Variants in YPEL2 observed in about 807,000 individuals in gnomAD.
YPEL2 encodes protein yippee-like 2.
A neutral mutation model predicts 19.1 loss-of-function variants in YPEL2; 2 were observed. That is an observed-to-expected ratio of 0.10 (90% CI 0.04 to 0.33). The LOEUF (loss-of-function observed/expected upper bound fraction) is 0.33, where lower values mean the gene tolerates loss of function less well. Ranked by LOEUF, YPEL2 falls within the 10% of genes least tolerant of loss-of-function variation. The pLI, the probability that YPEL2 is intolerant of heterozygous loss-of-function variation, is 1.00. For synonymous variants in YPEL2, 52 were observed against 50.0 expected, an observed-to-expected ratio of 1.04 and a Z score of -0.17; for missense variants, 66 against 140.7, an observed-to-expected ratio of 0.47 and a Z score of 2.68.
chr17:59,360,253 C>CT (rs889362924), intron 2 of YPEL2, among the ~76,000 whole-genome samples: 1 of 152,028 alleles, frequency 6.6e-6, no homozygotes, highest in African/African-American at 2.4e-5. Flanking sequence ...ATTTTTTGTA[C>CT]TTTTTTAGTA....
intron 2 of YPEL2, among the ~76,000 whole-genome samples, chr17:59,382,494 G>A (rs535986354): frequency 1.3e-5 from 2 of 152,312 alleles, no homozygotes; most frequent in South Asian, 4.1e-4. Flanking sequence ...CTTTTAAAAT[G>A]ACATACCCCT....
At chr17:59,362,266 T>G (rs2047844871) in intron 2 of YPEL2, among the ~76,000 whole-genome samples, 1 of 125,754 alleles carries the variant, frequency 8.0e-6, no homozygotes, top group Non-Finnish European at 1.6e-5. Flanking sequence ...CATTCTATGG[T>G]TTTTTTTTTT....
At chr17:59,337,723 A>T (rs559053884) in intron 1 of YPEL2, among the ~76,000 whole-genome samples, 1 of 152,200 alleles carries the variant, frequency 6.6e-6, no homozygotes, top group South Asian at 2.1e-4. Flanking sequence ...TTAACCTTGT[A>T]ATTTTTGTTT....
intron 1 of YPEL2, among the ~76,000 whole-genome samples, chr17:59,332,146 G>A (rs1009455397): frequency 2.6e-5 from 4 of 152,080 alleles, no homozygotes; most frequent in African/African-American, 9.7e-5. Context: ...CCAGGTTTGG[G>A]GCGGGGGTGC....
intron 4 of YPEL2, among the ~76,000 whole-genome samples, chr17:59,390,343 T>A (rs1374135382): frequency 6.6e-6 from 1 of 150,732 alleles, no homozygotes; most frequent in East Asian, 1.9e-4. Context: ...GGTCTCACTG[T>A]GTTGCTCAGG....
At chr17:59,380,595 G>A (rs981744884) in intron 2 of YPEL2, among the ~76,000 whole-genome samples, 4 of 152,200 alleles carry the variant, frequency 2.6e-5, no homozygotes, top group Admixed American at 6.5e-5. Flanking sequence ...CACAAATCAG[G>A]TGTGAGTGAG....
chr17:59,334,200 CTG>C (rs999512973), intron 1 of YPEL2, among the ~76,000 whole-genome samples: 16 of 152,088 alleles, frequency 1.1e-4, no homozygotes, highest in African/African-American at 3.9e-4. Context: ...GCGTGAGTTG[CTG>C]TGCTGTTCAT....
In YPEL2 at chr17:59,353,274, G is replaced by C; in HGVS notation, c.-136G>C. ...GGTTCTTCTGCCGAAGACATCACCA[G>C]TGTGTGGAGCCTGCCACACCCACCC... On this transcript the variant is annotated 5_prime_UTR_variant, in exon 2 of 5. Transcript: ENST00000312655. This position sits in a 1 kb window ranked among gnomAD's most constrained non-coding sequence, Gnocchi z 4.8. The C allele has an allele frequency of 1.6e-6, 1 of 635,418 alleles. No homozygotes were observed. The highest frequency in any genetic ancestry group is 1.9e-5 in the South Asian group (1 of 53,706). The allele number at this position is 635,418 out of a possible 1,614,324, so 39.4% of individuals were successfully genotyped here.
At chr17:59,387,776 T>C (rs1295068515) in intron 2 of YPEL2, among the ~76,000 whole-genome samples, 1 of 152,224 alleles carries the variant, frequency 6.6e-6, no homozygotes, top group Non-Finnish European at 1.5e-5. Context: ...CCATTTAGGA[T>C]TGTAAACTGT....
At chr17:59,382,950 G>GT (rs1373728063) in intron 2 of YPEL2, among the ~76,000 whole-genome samples, 1 of 152,054 alleles carries the variant, frequency 6.6e-6, no homozygotes, top group Non-Finnish European at 1.5e-5. Context: ...GCACTGAAAA[G>GT]TGTTCTTACA....
At chr17:59,371,616 C>T (rs1297050887) in intron 2 of YPEL2, among the ~76,000 whole-genome samples, 2 of 152,124 alleles carry the variant, frequency 1.3e-5, no homozygotes, top group East Asian at 3.9e-4. Context: ...AGAGATGTTT[C>T]ATTCCTTGGG....
At chr17:59,344,908 C>G (rs1041233074) in intron 1 of YPEL2, among the ~76,000 whole-genome samples, 1 of 152,198 alleles carries the variant, frequency 6.6e-6, no homozygotes, top group African/African-American at 2.4e-5. Flanking sequence ...GGTCCCCAAC[C>G]TTTTGGCACC....
chr17:59,336,768 G>C (rs762592540), intron 1 of YPEL2, among the ~76,000 whole-genome samples: 34 of 152,140 alleles, frequency 2.2e-4, no homozygotes, highest in Non-Finnish European at 2.8e-4. Flanking sequence ...GTGTGTGGTG[G>C]GGTCAGAGGA....
At chr17:59,393,168 C>T (rs1352469381) in intron 4 of YPEL2, among the ~76,000 whole-genome samples, 1 of 152,152 alleles carries the variant, frequency 6.6e-6, no homozygotes, top group Non-Finnish European at 1.5e-5. Context: ...TTGAGACAGG[C>T]CCCTGGCTGG....
chr17:59,377,334 C>A, intron 2 of YPEL2, among the ~76,000 whole-genome samples: 1 of 152,330 alleles, frequency 6.6e-6, no homozygotes. Context: ...AATATTTCAG[C>A]CCTCCTAAAG....
At chr17:59,373,818 G>T (rs963450662) in intron 2 of YPEL2, among the ~76,000 whole-genome samples, 1 of 152,168 alleles carries the variant, frequency 6.6e-6, no homozygotes, top group Admixed American at 6.5e-5. Context: ...AGGCACTTGC[G>T]TTGGCCAAGA....
At chr17:59,352,338 CTG>C (rs1299839315) in intron 1 of YPEL2, among the ~76,000 whole-genome samples, 4 of 152,114 alleles carry the variant, frequency 2.6e-5, no homozygotes, top group Non-Finnish European at 5.9e-5. Context: ...CAGACCTTTA[CTG>C]GGACTTGCTG....
chr17:59,359,579 T>C (rs1006574337), intron 2 of YPEL2, among the ~76,000 whole-genome samples: 1 of 152,230 alleles, frequency 6.6e-6, no homozygotes, highest in South Asian at 2.1e-4. Context: ...TATGAACTTA[T>C]CTAATTTGCA....
intron 4 of YPEL2, among the ~76,000 whole-genome samples, chr17:59,391,419 A>G (rs1440847290): frequency 6.6e-6 from 1 of 152,098 alleles, no homozygotes; most frequent in Admixed American, 6.6e-5. Context: ...ATCTTTTGGG[A>G]AAAAAATATA....
Sources: gnomAD v4.1 joint callset for allele counts (sites outside exome capture counted in the v4.1 genomes callset) on GRCh38, gnomAD v4.1.1 for gene constraint, Gnocchi (gnomAD v3.1) non-coding constraint, MANE v1.5 for transcripts, NCBI Gene and HGNC (gene_info 2026-07-23, HGNC 2026-07-21) for gene names.